The following CPSF3 variants were observed in gnomAD, a reference collection of about 807,000 sequenced individuals.
The protein encoded by CPSF3 is cleavage and polyadenylation specific factor 3, also known as cleavage and polyadenylation specificity factor subunit 3.
A neutral mutation model predicts 84.1 loss-of-function variants in CPSF3; 57 were observed. The ratio of observed to expected loss-of-function variants is 0.68; its 90% CI spans 0.55 to 0.85. The LOEUF (loss-of-function observed/expected upper bound fraction) is 0.85. CPSF3 is among the 40% of genes least tolerant of loss of function. The pLI, the probability that CPSF3 is intolerant of heterozygous loss-of-function variation, is 0.00. For synonymous variants in CPSF3, 275 were observed against 278.1 expected (o/e 0.99, Z 0.11); for missense variants, 522 against 838.8 (o/e 0.62, Z 4.66).
intron 15 of CPSF3, among the ~76,000 whole-genome samples, chr2:9,466,240 G>A (rs572253490): frequency 7.1e-5 from 9 of 126,668 alleles, no homozygotes; most frequent in East Asian, 6.8e-4. Context: ...ACACGTGCGC[G>A]CACGCACGCG....
intron 15 of CPSF3, among the ~76,000 whole-genome samples, chr2:9,466,377 C>G (rs1416829666): frequency 1.5e-5 from 2 of 131,102 alleles, no homozygotes; most frequent in African/African-American, 5.1e-5. Context: ...CACACCCACG[C>G]ACTCGCACAC....
At chr2:9,462,417 T>G (rs970906345) in intron 15 of CPSF3, among the ~76,000 whole-genome samples, 12 of 152,234 alleles carry the variant, frequency 7.9e-5, no homozygotes, top group African/African-American at 2.9e-4. Flanking sequence ...GTTAGGATGT[T>G]GTGTGACTAC....
chr2:9,445,916 C>T (rs1003742790), intron 10 of CPSF3, among the ~76,000 whole-genome samples: 2 of 152,172 alleles, frequency 1.3e-5, no homozygotes, highest in African/African-American at 2.4e-5. Flanking sequence ...TACCATGTGC[C>T]GGACACTGTA....
intron 15 of CPSF3, among the ~76,000 whole-genome samples, chr2:9,466,241 CACGCACGCGCACACACGCACACAAAG>C (rs1314870345): frequency 5.6e-4 from 78 of 138,178 alleles, no homozygotes; most frequent in Admixed American, 2.4e-3. Flanking sequence ...CACGTGCGCG[CACGCACGCGCACACACGCACACAAAG>C]ACGCACGCAC....
intron 14 of CPSF3, 133 bp from the exon 15 acceptor site, chr2:9,459,398 A>T: frequency 1.5e-6 from 1 of 689,408 alleles, no homozygotes; most frequent in Non-Finnish European, 2.7e-6. Flanking sequence ...ACAATGAGTC[A>T]GTTAATTTCA....
chr2:9,449,131 C>A (rs1681228638), intron 11 of CPSF3, among the ~76,000 whole-genome samples: 1 of 151,978 alleles, frequency 6.6e-6, no homozygotes, highest in African/African-American at 2.4e-5. Flanking sequence ...ATAATCCCAG[C>A]ACTTTGGGAG....
chr2:9,439,350 G>A (rs761586833), intron 7 of CPSF3, among the ~76,000 whole-genome samples: 26 of 152,032 alleles, frequency 1.7e-4, no homozygotes, highest in Admixed American at 3.3e-4. Flanking sequence ...GCCAGCGCCT[G>A]TAGTCCCAGC....
chr2:9,436,428 G>A (rs1309658413), intron 7 of CPSF3, 67 bp downstream of exon 7: 9 of 1,476,058 alleles, frequency 6.1e-6, no homozygotes, highest in Non-Finnish European at 7.3e-6. Flanking sequence ...TAATAATGTG[G>A]TCTTGGATGA....
intron 11 of CPSF3, among the ~76,000 whole-genome samples, chr2:9,450,820 A>G (rs1042088331): frequency 1.3e-5 from 2 of 152,172 alleles, no homozygotes; most frequent in Non-Finnish European, 2.9e-5. Context: ...CTTTTAATAC[A>G]TAATGAGCCA....
chr2:9,430,406 T>C (rs983904690), intron 3 of CPSF3, among the ~76,000 whole-genome samples: 2 of 152,152 alleles, frequency 1.3e-5, no homozygotes, highest in Non-Finnish European at 2.9e-5. Context: ...TAGAAAAATG[T>C]GACAAGACAG....
intron 14 of CPSF3, among the ~76,000 whole-genome samples, chr2:9,457,880 C>T (rs1267193513): frequency 6.6e-6 from 1 of 151,968 alleles, no homozygotes; most frequent in Non-Finnish European, 1.5e-5. Flanking sequence ...AGCCTCCTGA[C>T]TAGCTGGGAC....
At chr2:9,469,044 T>G (rs781567420) in intron 16 of CPSF3, among the ~76,000 whole-genome samples, 1 of 152,210 alleles carries the variant, frequency 6.6e-6, no homozygotes, top group African/African-American at 2.4e-5. Context: ...ATTTTGATTT[T>G]AAAGAGCATT....
chr2:9,423,910 G>T, intron 1 of CPSF3, 87 bp downstream of exon 1: 2 of 1,554,108 alleles, frequency 1.3e-6, no homozygotes, highest in Admixed American at 2.0e-5. Flanking sequence ...CGTCGCCCGC[G>T]CTCCCACCTA....
intron 17 of CPSF3, among the ~76,000 whole-genome samples, chr2:9,472,474 T>C (rs1682204907): frequency 6.6e-6 from 1 of 152,170 alleles, no homozygotes; most frequent in African/African-American, 2.4e-5. Flanking sequence ...TAGATCAAAC[T>C]GTGGGCTTTG....
intron 7 of CPSF3, among the ~76,000 whole-genome samples, chr2:9,439,483 A>AT (rs575411248): frequency 5.8e-4 from 88 of 151,908 alleles, no homozygotes; most frequent in Non-Finnish European, 8.7e-4. Context: ...AAAAAAAAAA[A>AT]AAAAAGAAAT....
intron 17 of CPSF3, among the ~76,000 whole-genome samples, chr2:9,472,554 G>A (rs754322468): frequency 6.6e-6 from 1 of 152,142 alleles, no homozygotes; most frequent in Non-Finnish European, 1.5e-5. Context: ...AATTAGGACC[G>A]TGCTGCTGTC....
chr2:9,436,669 G>A (rs1181130403), intron 7 of CPSF3, among the ~76,000 whole-genome samples: 2 of 151,948 alleles, frequency 1.3e-5, no homozygotes, highest in Non-Finnish European at 2.9e-5. Context: ...CTACTCAGGA[G>A]GCTGAGGCAG....
intron 11 of CPSF3, among the ~76,000 whole-genome samples, chr2:9,452,046 G>T (rs1681351120): frequency 6.6e-6 from 1 of 152,058 alleles, no homozygotes; most frequent in South Asian, 2.1e-4. Context: ...ATGAATAGTG[G>T]GGCTGGGTGT....
At chr2:9,435,178 A>G (rs748914913) in intron 6 of CPSF3, among the ~76,000 whole-genome samples, 4 of 152,192 alleles carry the variant, frequency 2.6e-5, no homozygotes, top group Non-Finnish European at 5.9e-5. Flanking sequence ...TGCGCTTCTG[A>G]TAAGCTCCCA....
Sources: gnomAD v4.1 joint callset for allele counts (sites outside exome capture counted in the v4.1 genomes callset) on GRCh38, gnomAD v4.1.1 for gene constraint, MANE v1.5 for transcripts, NCBI Gene and HGNC (gene_info 2026-07-23, HGNC 2026-07-21) for gene names.